DPP10: variants seen among roughly 807,000 people sequenced by gnomAD.
The protein encoded by DPP10 is dipeptidyl peptidase like 10, also known as inactive dipeptidyl peptidase 10.
Under a neutral mutation model 120.9 loss-of-function variants are expected in DPP10, and 33 were observed. The ratio of observed to expected loss-of-function variants is 0.27; its 90% confidence interval spans 0.21 to 0.37. The LOEUF is 0.37. DPP10 is among the 10% of genes least tolerant of loss of function. DPP10 has a pLI of 1.00. For missense variants in DPP10, 816 were observed against 942.8 expected (o/e 0.87, Z 1.76); for synonymous variants, 337 against 326.1 (o/e 1.03, Z -0.36).
chr2:115,278,769 A>C (rs752090589), intron 1 of DPP10, among the ~76,000 whole-genome samples: 1 of 152,106 alleles, frequency 6.6e-6, no homozygotes, highest in Non-Finnish European at 1.5e-5. Context: ...ATCCGTCCCC[A>C]TGACCAAAAC....
intron 1 of DPP10, among the ~76,000 whole-genome samples, chr2:114,514,795 T>TC (rs1473772248): frequency 6.6e-6 from 1 of 151,718 alleles, no homozygotes; most frequent in Non-Finnish European, 1.5e-5. Context: ...CCTTTTTTTT[T>TC]CCACGTTGGA....
At chr2:115,122,090 T>C (rs968547693) in intron 1 of DPP10, among the ~76,000 whole-genome samples, 1 of 152,198 alleles carries the variant, frequency 6.6e-6, no homozygotes, top group Non-Finnish European at 1.5e-5. Flanking sequence ...AACATCTTTT[T>C]CCTGCACTTA....
intron 5 of DPP10, among the ~76,000 whole-genome samples, chr2:115,684,786 T>C (rs1047951964): frequency 6.6e-6 from 1 of 151,824 alleles, no homozygotes; most frequent in Non-Finnish European, 1.5e-5. Context: ...AGAAAAAAAA[T>C]TGTGAAAAAC....
intron 2 of DPP10, among the ~76,000 whole-genome samples, chr2:115,332,538 T>C (rs2062818041): frequency 3.3e-5 from 5 of 152,202 alleles, no homozygotes; most frequent in Admixed American, 1.3e-4. Context: ...TTTAGATCTT[T>C]CCTTCTTTCT....
chr2:115,521,635 C>G (rs1341477790), intron 4 of DPP10, among the ~76,000 whole-genome samples: 1 of 146,126 alleles, frequency 6.8e-6, no homozygotes, highest in Non-Finnish European at 1.5e-5. Context: ...TATTCACAAT[C>G]TCCCCTGTAC....
chr2:114,965,823 G>A (rs1472616389), intron 1 of DPP10, among the ~76,000 whole-genome samples: 3 of 151,660 alleles, frequency 2.0e-5, no homozygotes, highest in South Asian at 4.2e-4. Context: ...AAAATTAGCC[G>A]GGGACAATGG....
intron 3 of DPP10, chr2:115,468,238 C>A: frequency 2.0e-6 from 1 of 503,896 alleles, no homozygotes; most frequent in South Asian, 1.4e-5. Flanking sequence ...TTCTGCTGAC[C>A]GCTCGTGTCA....
chr2:115,660,886 T>A (rs1470233639), intron 5 of DPP10, among the ~76,000 whole-genome samples: 5 of 152,018 alleles, frequency 3.3e-5, no homozygotes, highest in Non-Finnish European at 7.4e-5. Context: ...TCTTAAAAAC[T>A]TAGTGTGTCA....
chr2:115,547,668 A>G (rs1473843499), intron 5 of DPP10, among the ~76,000 whole-genome samples: 1 of 151,920 alleles, frequency 6.6e-6, no homozygotes, highest in African/African-American at 2.4e-5. Context: ...GGGGTGGCTG[A>G]AGTGGGTGGA....
At chr2:115,133,026 G>C (rs1370319479) in intron 1 of DPP10, among the ~76,000 whole-genome samples, 1 of 150,722 alleles carries the variant, frequency 6.6e-6, no homozygotes, top group African/African-American at 2.4e-5. Context: ...ATGGGCTGGG[G>C]TTTGGAAAAG....
At chr2:114,585,795 A>G (rs933439113) in intron 1 of DPP10, among the ~76,000 whole-genome samples, 7 of 152,204 alleles carry the variant, frequency 4.6e-5, no homozygotes, top group Non-Finnish European at 7.3e-5. Flanking sequence ...AGAAGGTCTG[A>G]ATATTTTTGG....
At chr2:115,753,447 C>A in intron 11 of DPP10, 150 bp downstream of exon 11, 1 of 685,462 alleles carries the variant, frequency 1.5e-6, no homozygotes, top group Non-Finnish European at 2.1e-6. Context: ...AGAATATATA[C>A]TTTAATTTAT....
At chr2:114,792,613 A>G (rs1683351596) in intron 1 of DPP10, among the ~76,000 whole-genome samples, 1 of 152,204 alleles carries the variant, frequency 6.6e-6, no homozygotes, top group African/African-American at 2.4e-5. Context: ...TAAACTGTTT[A>G]CACAAACAAT....
At chr2:115,197,208 A>G (rs528923377) in intron 1 of DPP10, among the ~76,000 whole-genome samples, 1 of 152,202 alleles carries the variant, frequency 6.6e-6, no homozygotes, top group East Asian at 1.9e-4. Context: ...CCTGGCCAAT[A>G]TGGTGAAACC....
At chr2:115,526,043 C>T (rs1007673282) in intron 5 of DPP10, 71 bp downstream of exon 5, 10 of 1,329,696 alleles carry the variant, frequency 7.5e-6, no homozygotes, top group African/African-American at 4.4e-5. Flanking sequence ...TAATTTTACT[C>T]AGCTATAACT....
chr2:115,338,596 G>A (rs186079122), intron 2 of DPP10, among the ~76,000 whole-genome samples: 3 of 151,998 alleles, frequency 2.0e-5, no homozygotes, highest in Non-Finnish European at 4.4e-5. Flanking sequence ...AAGCAGCTGG[G>A]ATTATAGACA....
At chr2:115,741,719 A>G (rs771302115) in intron 9 of DPP10, among the ~76,000 whole-genome samples, 32 of 152,268 alleles carry the variant, frequency 2.1e-4, no homozygotes, top group Middle Eastern at 3.4e-3. Flanking sequence ...AACTGTTTGT[A>G]ACTGATTTCC....
intron 2 of DPP10, among the ~76,000 whole-genome samples, chr2:115,332,722 T>C (rs1280242788): frequency 6.6e-6 from 1 of 152,224 alleles, no homozygotes; most frequent in African/African-American, 2.4e-5. Flanking sequence ...AGTTTCCATG[T>C]AGTTGAGCAG....
At chr2:114,584,458 A>G (rs1040564077) in intron 1 of DPP10, among the ~76,000 whole-genome samples, 23 of 151,818 alleles carry the variant, frequency 1.5e-4, no homozygotes, top group African/African-American at 5.6e-4. Flanking sequence ...GGTTAGTTAC[A>G]TATGTATACA....
Sources: gnomAD v4.1 joint callset for allele counts (sites outside exome capture counted in the v4.1 genomes callset) on GRCh38, gnomAD v4.1.1 for gene constraint, MANE v1.5 for transcripts, NCBI Gene and HGNC (gene_info 2026-07-23, HGNC 2026-07-21) for gene names.